The following PLPP1 variants were observed in gnomAD, a reference collection of about 807,000 sequenced individuals.
The protein encoded by PLPP1 is lipid phosphate phosphohydrolase 1a.
PLPP1 carries 24 observed loss-of-function variants against 31.2 expected under a neutral mutation model. That is an observed-to-expected ratio of 0.77 (90% confidence interval 0.56 to 1.08). The LOEUF (loss-of-function observed/expected upper bound fraction) is 1.08. Among genes scored for constraint, PLPP1 ranks in the 50% least tolerant of loss-of-function variants. The pLI, the probability that PLPP1 is intolerant of heterozygous loss-of-function variation, is 0.00. For synonymous variants in PLPP1, 146 were observed against 126.3 expected (o/e 1.16, Z -1.05); for missense variants, 319 against 342.7 (o/e 0.93, Z 0.55).
chr5:55,532,433 T>C (rs1740701232), intron 1 of PLPP1, among the ~76,000 whole-genome samples: 1 of 152,242 alleles, frequency 6.6e-6, no homozygotes, highest in South Asian at 2.1e-4. Context: ...TATGTGGCAA[T>C]GATAGGATAA....
intron 1 of PLPP1, among the ~76,000 whole-genome samples, chr5:55,501,088 G>C (rs1753133188): frequency 6.6e-6 from 1 of 152,206 alleles, no homozygotes; most frequent in African/African-American, 2.4e-5. Flanking sequence ...GCCGAGGCGG[G>C]CGGATCACAA....
chr5:55,439,110 C>G (rs983104030), intron 4 of PLPP1, among the ~76,000 whole-genome samples: 1 of 151,976 alleles, frequency 6.6e-6, no homozygotes, highest in African/African-American at 2.4e-5. Context: ...TCTTTTTTTG[C>G]CATTATAACT....
intron 1 of PLPP1, among the ~76,000 whole-genome samples, chr5:55,520,071 T>C (rs557143211): frequency 1.3e-5 from 2 of 152,370 alleles, no homozygotes; most frequent in South Asian, 2.1e-4. Context: ...AGAGAAGTTA[T>C]TACTATCCAA....
chr5:55,486,836 C>A (rs539480487), intron 1 of PLPP1, among the ~76,000 whole-genome samples: 9 of 152,014 alleles, frequency 5.9e-5, no homozygotes, highest in Non-Finnish European at 1.2e-4. Flanking sequence ...TCGCTTGAAC[C>A]CGGGAGGTGG....
At chr5:55,443,194 T>A (rs867416168) in intron 3 of PLPP1, among the ~76,000 whole-genome samples, 1,774 of 71,234 alleles carry the variant, frequency 0.025, 34 homozygotes, top group African/African-American at 0.073. Context: ...AAAAAAAAAA[T>A]ATATATATAT....
intron 4 of PLPP1, among the ~76,000 whole-genome samples, chr5:55,434,558 C>T (rs1197249800): frequency 6.6e-6 from 1 of 152,158 alleles, no homozygotes; most frequent in Non-Finnish European, 1.5e-5. Context: ...CAAAACAGCA[C>T]AGTATTGGTA....
At chr5:55,493,513 C>T (rs937010313) in intron 1 of PLPP1, among the ~76,000 whole-genome samples, 2 of 151,930 alleles carry the variant, frequency 1.3e-5, no homozygotes, top group African/African-American at 2.4e-5. Flanking sequence ...GAGGCTGAGG[C>T]GGGAGGATCA....
At chr5:55,432,460 C>A (rs1349387448) in intron 4 of PLPP1, among the ~76,000 whole-genome samples, 1 of 152,140 alleles carries the variant, frequency 6.6e-6, no homozygotes, top group Non-Finnish European at 1.5e-5. Flanking sequence ...ACCATACTTA[C>A]AAAGAAGAAC....
intron 1 of PLPP1, among the ~76,000 whole-genome samples, chr5:55,505,053 C>T (rs1579971966): frequency 6.6e-6 from 1 of 152,008 alleles, no homozygotes; most frequent in Admixed American, 6.6e-5. Flanking sequence ...GCAAGTGATG[C>T]GTCCGCCTTG....
chr5:55,485,019 A>G (rs1171198923), intron 1 of PLPP1: 1 of 152,134 alleles, frequency 6.6e-6, no homozygotes, highest in Non-Finnish European at 1.5e-5. Context: ...CCACCCTGAG[A>G]CTTTGACTGT....
chr5:55,468,748 AGCCGAGATCAT>A (rs2111790831), intron 2 of PLPP1, among the ~76,000 whole-genome samples: 1 of 152,282 alleles, frequency 6.6e-6, no homozygotes, highest in Non-Finnish European at 1.5e-5. Flanking sequence ...GGTTGCAGTG[AGCCGAGATCAT>A]GCCATTGTAC....
At chr5:55,456,219 C>CTAAT in intron 3 of PLPP1, among the ~76,000 whole-genome samples, 1 of 152,110 alleles carries the variant, frequency 6.6e-6, no homozygotes, top group East Asian at 1.9e-4. Context: ...TGTTTAGGAC[C>CTAAT]TAATGGTCAC....
intron 1 of PLPP1, among the ~76,000 whole-genome samples, chr5:55,509,878 C>T (rs1484972029): frequency 3.9e-5 from 6 of 152,212 alleles, no homozygotes; most frequent in Non-Finnish European, 7.3e-5. Context: ...TCCTTCCACT[C>T]CCTCATGGTA....
intron 1 of PLPP1, among the ~76,000 whole-genome samples, chr5:55,526,069 A>G (rs1740419760): frequency 6.6e-6 from 1 of 152,036 alleles, no homozygotes; most frequent in Non-Finnish European, 1.5e-5. Flanking sequence ...TTTGCTGCCA[A>G]CTTCTTTTTT....
At chr5:55,474,151 C>T (rs1345732474) in intron 2 of PLPP1, among the ~76,000 whole-genome samples, 1 of 151,944 alleles carries the variant, frequency 6.6e-6, no homozygotes, top group African/African-American at 2.4e-5. Flanking sequence ...TGTGTGCCAC[C>T]ACACCCAGCT....
At chr5:55,485,840 A>C (rs1456699944) in intron 1 of PLPP1, among the ~76,000 whole-genome samples, 1 of 152,192 alleles carries the variant, frequency 6.6e-6, no homozygotes, top group Non-Finnish European at 1.5e-5. Flanking sequence ...TTTCATCACT[A>C]GAATAAATCA....
intron 4 of PLPP1, among the ~76,000 whole-genome samples, chr5:55,429,975 C>G (rs1357705908): frequency 6.6e-6 from 1 of 152,156 alleles, no homozygotes; most frequent in Non-Finnish European, 1.5e-5. Context: ...TCCACCTACC[C>G]CTATGCCCAA....
rs191949962 is a variant in PLPP1, at chr5:55,465,465, C to A, written c.491+2404G>T. Among the ~76,000 whole-genome samples, 369 of 152,198 alleles carry A rather than the reference C, an allele frequency of 2.4e-3. 1 individual carries two copies. The highest frequency in any genetic ancestry group is 3.9e-3 in the Admixed American group (59 of 15,288). On this transcript the variant is annotated intron_variant, in intron 3 of 5. Transcript: ENST00000307259. ...ATAATTTTATTCTATTAAATCGGGG[C>A]GTCCAATCTTTTGGCTTCCCCGCAC...
At chr5:55,495,184 T>C (rs1752980474) in intron 1 of PLPP1, among the ~76,000 whole-genome samples, 1 of 147,764 alleles carries the variant, frequency 6.8e-6, no homozygotes. Context: ...AAATTCAGGG[T>C]AAAGATCAGA....
Sources: allele counts gnomAD v4.1 joint callset (sites outside exome capture counted in the v4.1 genomes callset), GRCh38; gene constraint gnomAD v4.1.1; transcripts MANE v1.5; gene names NCBI Gene and HGNC (gene_info 2026-07-23, HGNC 2026-07-21).